Variants in NCOR2 observed in about 807,000 individuals in gnomAD.
NCOR2 encodes nuclear receptor corepressor 2.
A neutral mutation model predicts 262.9 loss-of-function variants in NCOR2; 81 were observed. The ratio of observed to expected loss-of-function variants is 0.31; its 90% confidence interval spans 0.26 to 0.37. The LOEUF (loss-of-function observed/expected upper bound fraction) is 0.37, where lower values mean the gene tolerates loss of function less well. Among genes scored for constraint, NCOR2 ranks in the 10% least tolerant of loss-of-function variants. The probability of loss-of-function intolerance (pLI) is 1.00; values close to 1 mark genes in which losing one functional copy is unlikely to be tolerated. For synonymous variants in NCOR2, 1,659 were observed against 1,559.3 expected (o/e 1.06, Z -1.51); for missense variants, 3,385 against 3,621.4 (o/e 0.93, Z 1.68).
At chr12:124,348,562 C>T in intron 28 of NCOR2, 1 of 541,226 alleles carries the variant, frequency 1.8e-6, no homozygotes, top group Non-Finnish European at 3.2e-6. Flanking sequence ...TGCCTGCACC[C>T]TGTACCCTAG....
rs992458658 is a variant in NCOR2, at chr12:124,549,371, G to A, written c.-164-13760C>T. Reference sequence around the variant, plus strand: ...CGTCTGGCTTTCGAGGAGATAAGCCGCCTGCTCAGGTTCACGTTCGGGATC... The same window carrying A: ...CGTCTGGCTTTCGAGGAGATAAGCCACCTGCTCAGGTTCACGTTCGGGATC... On this transcript the variant is annotated intron_variant, in intron 1 of 32. Transcript: ENST00000458234. This position sits in a 1 kb window ranked among gnomAD's most constrained non-coding sequence, Gnocchi z 4.4. Among the ~76,000 whole-genome samples, 2 of 152,160 alleles carry A rather than the reference G, an allele frequency of 1.3e-5. No homozygotes were observed. Among genetic ancestry groups the A allele is most frequent in the Non-Finnish European group, 2.9e-5 (2 of 68,024 alleles).
chr12:124,357,826 G>A (rs918282341), intron 22 of NCOR2, among the ~76,000 whole-genome samples: 4 of 53,740 alleles, frequency 7.4e-5, no homozygotes, highest in East Asian at 1.2e-3. Flanking sequence ...GCGCGTGCAC[G>A]TGTATGTGCA....
intron 1 of NCOR2, among the ~76,000 whole-genome samples, chr12:124,561,496 G>A (rs1161253001): frequency 6.6e-6 from 1 of 152,140 alleles, no homozygotes; most frequent in Non-Finnish European, 1.5e-5. Flanking sequence ...GGCATATCTA[G>A]AACATTCTCA....
intron 4 of NCOR2, among the ~76,000 whole-genome samples, chr12:124,468,942 TCATCACCCC>T (rs1409678103): frequency 2.3e-4 from 6 of 26,594 alleles, no homozygotes; most frequent in Non-Finnish European, 3.4e-4. Context: ...CCCATCATCC[TCATCACCCC>T]CATCACCCTC....
chr12:124,458,528 A>G (rs1390690686), intron 5 of NCOR2, among the ~76,000 whole-genome samples: 2 of 152,144 alleles, frequency 1.3e-5, no homozygotes, highest in Admixed American at 6.5e-5. Flanking sequence ...GCTGGGGGCC[A>G]GAAGAGCAGG....
At chr12:124,518,518 C>T (rs1376414031) in intron 1 of NCOR2, among the ~76,000 whole-genome samples, 1 of 152,262 alleles carries the variant, frequency 6.6e-6, no homozygotes, top group African/African-American at 2.4e-5. Context: ...ACGGCTGGGC[C>T]GTGAACGAGA....
Position 124,566,960 on chromosome 12 carries a change from T to C in NCOR2, c.-165+348A>G, listed in dbSNP as rs902289232. On this transcript the variant is annotated intron_variant, in intron 1 of 32. Coordinates refer to the NCOR2 transcript ENST00000458234. This position sits in a 1 kb window ranked among gnomAD's most constrained non-coding sequence, Gnocchi z 4.3. Reference sequence around the variant, plus strand: ...CCGCCAGGTCCGGGGCTACACCGGGTACAAGGGACGCCTGGCGGCCAAGTC... The same window carrying C: ...CCGCCAGGTCCGGGGCTACACCGGGCACAAGGGACGCCTGGCGGCCAAGTC... Among the ~76,000 whole-genome samples, 1 of 151,998 alleles carries C rather than the reference T, an allele frequency of 6.6e-6. No homozygotes were observed. Among genetic ancestry groups the C allele is most frequent in the Admixed American group, 6.5e-5 (1 of 15,288 alleles).
At chr12:124,466,254 G>C (rs772776811) in exon 5 of NCOR2, 7 of 1,608,366 alleles carry the variant, frequency 4.4e-6, no homozygotes, top group South Asian at 2.2e-5. Flanking sequence ...TCTCAGGCTC[G>C]GGCGGCTTGG....
At chr12:124,400,212 C>A (rs2041920659) in intron 15 of NCOR2, among the ~76,000 whole-genome samples, 1 of 152,198 alleles carries the variant, frequency 6.6e-6, no homozygotes, top group Admixed American at 6.5e-5. Flanking sequence ...AGGCACTGTT[C>A]TAGGTGCTTC....
At position 124,325,566 on chromosome 12, in the gene NCOR2, AG is replaced by A; in HGVS notation, c.7380del (p.Tyr2461ThrfsTer4). 1 of 1,310,874 alleles carries A rather than the reference AG, an allele frequency of 7.6e-7. No homozygotes were observed. The highest frequency in any genetic ancestry group is 9.8e-7 in the Non-Finnish European group (1 of 1,021,108). The allele number at this position is 1,310,874 out of a possible 1,614,324, so 81.2% of individuals were successfully genotyped here. On this transcript the variant is annotated frameshift_variant, in exon 47 of 47. Coordinates refer to ENST00000405201, the Ensembl canonical transcript of NCOR2. LOFTEE classifies it high-confidence loss of function. ...TGCAGCCGCATGATCAGGGGGTTGT[AG>A]GGGAATGGCGTGGAACCTGCGGGAA...
intron 32 of NCOR2, among the ~76,000 whole-genome samples, chr12:124,343,481 A>G (rs941960817): frequency 6.6e-6 from 1 of 152,256 alleles, no homozygotes; most frequent in African/African-American, 2.4e-5. Context: ...CGTGGCAAGC[A>G]TTGTTGTGAG....
At chr12:124,358,843 C>A (rs2038241706) in intron 22 of NCOR2, among the ~76,000 whole-genome samples, 1 of 152,320 alleles carries the variant, frequency 6.6e-6, no homozygotes, top group Non-Finnish European at 1.5e-5. Context: ...CGTGTTCACT[C>A]ATTTATTCTC....
exon 20 of NCOR2, chr12:124,372,056 C>T (rs1251773801): frequency 3.7e-6 from 6 of 1,603,076 alleles, no homozygotes; most frequent in South Asian, 1.1e-5. Flanking sequence ...TCATCCACCT[C>T]GTCTGCACTG....
At chr12:124,342,240 C>T (rs371567184) in intron 33 of NCOR2, among the ~76,000 whole-genome samples, 166 bp from the exon 36 acceptor site, 1 of 152,226 alleles carries the variant, frequency 6.6e-6, no homozygotes, top group South Asian at 2.1e-4. Context: ...AGCAGGAAAA[C>T]ATCACGCCAG....
In NCOR2 at chr12:124,329,291, G is replaced by A. The variant is rs551409459; in HGVS notation, c.6958+1554C>T. The A allele has an allele frequency of 2.1e-4, 76 of 355,290 alleles. 2 individuals carry two copies. Among genetic ancestry groups the A allele is most frequent in the South Asian group, 1.1e-3 (51 of 46,368 alleles). 22.0% of individuals were successfully genotyped at this position (355,290 alleles called of 1,614,324 possible). A position where few individuals can be genotyped will look rare whatever the true frequency, so the allele number is the denominator to read the frequency against. Reference sequence around the variant, plus strand: ...AGCCTGGCCAATATGATGAAACCCCGTCTCTACTAAAAATACAAAAATTAG... The same window carrying A: ...AGCCTGGCCAATATGATGAAACCCCATCTCTACTAAAAATACAAAAATTAG... On this transcript the variant is annotated intron_variant, in intron 44 of 46. Transcript: ENST00000405201.
chr12:124,329,574 C>T (rs2035004377), intron 44 of NCOR2, among the ~76,000 whole-genome samples: 1 of 151,958 alleles, frequency 6.6e-6, no homozygotes, highest in Admixed American at 6.6e-5. Flanking sequence ...GAGCCTGTCT[C>T]TACAAAAAAG....
At chr12:124,560,525 C>A (rs1218195315) in intron 1 of NCOR2, among the ~76,000 whole-genome samples, 4 of 152,268 alleles carry the variant, frequency 2.6e-5, no homozygotes, top group African/African-American at 7.2e-5. Context: ...AGTTTGCCAA[C>A]TCTTGCTTTC....
At chr12:124,524,373 C>A (rs879764212) in intron 1 of NCOR2, among the ~76,000 whole-genome samples, 2 of 152,336 alleles carry the variant, frequency 1.3e-5, no homozygotes, top group Middle Eastern at 3.4e-3. Context: ...CCTTCTTTGG[C>A]CACCTCCTCT....
chr12:124,530,419 A>G (rs1316167545), intron 1 of NCOR2, among the ~76,000 whole-genome samples: 1 of 152,124 alleles, frequency 6.6e-6, no homozygotes, highest in Non-Finnish European at 1.5e-5. Context: ...ATGCAATTGA[A>G]CCCTTAAAAT....
Sources: gnomAD v4.1 joint callset for allele counts (sites outside exome capture counted in the v4.1 genomes callset) on GRCh38, gnomAD v4.1.1 for gene constraint, Gnocchi (gnomAD v3.1) non-coding constraint, MANE v1.5 for transcripts, NCBI Gene and HGNC (gene_info 2026-07-23, HGNC 2026-07-21) for gene names.